The following ANK3 variants were observed in gnomAD, a reference collection of about 807,000 sequenced individuals.
ANK3 encodes the protein ankyrin 3, also known as ankyrin-3.
Under a neutral mutation model 370.9 loss-of-function variants are expected in ANK3, and 57 were observed. The ratio of observed to expected loss-of-function variants is 0.15; its 90% CI spans 0.12 to 0.19. ANK3 has a LOEUF of 0.19. Among genes scored for constraint, ANK3 ranks in the 10% least tolerant of loss-of-function variants. ANK3 has a pLI of 1.00. For missense variants in ANK3, 4,439 were observed against 5,302.1 expected (o/e 0.84, Z 5.06); for synonymous variants, 1,929 against 1,946.3 (o/e 0.99, Z 0.23).
chr10:60,324,188 G>A (rs562588426), intron 1 of ANK3, among the ~76,000 whole-genome samples: 4 of 152,318 alleles, frequency 2.6e-5, no homozygotes, highest in Admixed American at 2.0e-4. Context: ...ATGTCCTAGA[G>A]TTGGCAAGAA....
At chr10:60,106,223 C>T (rs1000034128) in intron 27 of ANK3, among the ~76,000 whole-genome samples, 164 bp from the exon 28 acceptor site, 4 of 152,064 alleles carry the variant, frequency 2.6e-5, no homozygotes, top group Admixed American at 1.3e-4. Flanking sequence ...AGAATATTTT[C>T]GAAGCCTGAA....
intron 1 of ANK3, among the ~76,000 whole-genome samples, chr10:60,340,878 C>T (rs1180289763): frequency 6.6e-6 from 1 of 152,128 alleles, no homozygotes; most frequent in East Asian, 1.9e-4. Context: ...CACAATGACT[C>T]TATGAATTCT....
intron 1 of ANK3, among the ~76,000 whole-genome samples, chr10:60,361,703 A>T (rs999943836): frequency 3.3e-5 from 5 of 152,172 alleles, no homozygotes; most frequent in African/African-American, 1.2e-4. Flanking sequence ...GAGGATTATT[A>T]TTTACAATAT....
At chr10:60,276,621 C>T (rs745800905) in intron 4 of ANK3, among the ~76,000 whole-genome samples, 3 of 152,126 alleles carry the variant, frequency 2.0e-5, no homozygotes, top group Non-Finnish European at 2.9e-5. Context: ...GTGTGGAATG[C>T]GTATAAATTG....
intron 2 of ANK3, among the ~76,000 whole-genome samples, chr10:60,395,610 C>CTTTCTTTT (rs1567004658): frequency 1.3e-3 from 112 of 85,052 alleles, no homozygotes; most frequent in African/African-American, 5.0e-3. Flanking sequence ...CTTTCTTTCT[C>CTTTCTTTT]TCTTTCGTTC....
intron 1 of ANK3, among the ~76,000 whole-genome samples, chr10:60,652,888 G>A (rs762922442): frequency 2.0e-5 from 3 of 152,074 alleles, no homozygotes; most frequent in African/African-American, 4.8e-5. Flanking sequence ...GTCTGGGTAC[G>A]TTCTACAAAG....
intron 1 of ANK3, among the ~76,000 whole-genome samples, chr10:60,284,390 C>T (rs1392197249): frequency 6.6e-6 from 1 of 152,164 alleles, no homozygotes; most frequent in Non-Finnish European, 1.5e-5. Context: ...GGTACTATTA[C>T]TAGCTCCATT....
intron 1 of ANK3, among the ~76,000 whole-genome samples, chr10:60,370,328 G>A (rs956497578): frequency 3.3e-5 from 5 of 152,098 alleles, no homozygotes. Flanking sequence ...AACTTTTAAT[G>A]CTATTACAGC....
At chr10:60,140,513 G>A (rs2094515799) in intron 23 of ANK3, 1 of 1,513,374 alleles carries the variant, frequency 6.6e-7, no homozygotes, top group Non-Finnish European at 8.8e-7. Context: ...ATTCCTCTCA[G>A]CATCTTGATA....
At chr10:60,096,039 C>T (rs1427410542) in intron 28 of ANK3, among the ~76,000 whole-genome samples, 1 of 151,816 alleles carries the variant, frequency 6.6e-6, no homozygotes, top group Non-Finnish European at 1.5e-5. Context: ...CCAGGTGTGT[C>T]GGTAGGTGCC....
chr10:60,642,751 A>G (rs922116251), intron 1 of ANK3, among the ~76,000 whole-genome samples: 23 of 152,286 alleles, frequency 1.5e-4, no homozygotes, highest in African/African-American at 5.3e-4. Context: ...CACATTGTGC[A>G]CATGTACCCT....
At chr10:60,265,645 T>C (rs1023114940) in intron 5 of ANK3, among the ~76,000 whole-genome samples, 12 of 152,186 alleles carry the variant, frequency 7.9e-5, no homozygotes, top group African/African-American at 2.9e-4. Context: ...TTTATTTCTG[T>C]AGTCCCATGG....
chr10:60,703,231 A>G (rs191033573), intron 1 of ANK3, among the ~76,000 whole-genome samples: 125 of 152,326 alleles, frequency 8.2e-4, no homozygotes, highest in Non-Finnish European at 1.5e-3. Context: ...TATTGAAGAA[A>G]TTATTATTGA....
chr10:60,092,480 T>G (rs1260885202), intron 28 of ANK3, among the ~76,000 whole-genome samples: 2 of 152,186 alleles, frequency 1.3e-5, no homozygotes, highest in African/African-American at 4.8e-5. Flanking sequence ...AGGATCAAAT[T>G]ATCAACTAGG....
intron 1 of ANK3, among the ~76,000 whole-genome samples, chr10:60,357,368 C>G (rs949189562): frequency 1.7e-4 from 26 of 152,184 alleles, no homozygotes; most frequent in African/African-American, 6.3e-4. Flanking sequence ...TCCATACAGA[C>G]CTTCATATCC....
At chr10:60,464,868 A>T (rs1253720091) in intron 2 of ANK3, among the ~76,000 whole-genome samples, 1 of 152,218 alleles carries the variant, frequency 6.6e-6, no homozygotes, top group African/African-American at 2.4e-5. Context: ...AGCCTGCTGC[A>T]TTCATTATCT....
intron 28 of ANK3, among the ~76,000 whole-genome samples, chr10:60,090,967 C>T (rs1318202771): frequency 6.6e-6 from 1 of 152,198 alleles, no homozygotes; most frequent in Admixed American, 6.5e-5. Context: ...TGCAATGGCA[C>T]GATCTCGGCT....
At chr10:60,202,031 A>G (rs935388443) in intron 12 of ANK3, among the ~76,000 whole-genome samples, 3 of 151,478 alleles carry the variant, frequency 2.0e-5, no homozygotes, top group East Asian at 3.9e-4. Context: ...ACTTCTTTGT[A>G]TAAACGACGA....
intron 7 of ANK3, among the ~76,000 whole-genome samples, chr10:60,258,550 T>G (rs1043352006): frequency 3.3e-5 from 5 of 152,244 alleles, no homozygotes; most frequent in South Asian, 4.1e-4. Flanking sequence ...GCACTACAAA[T>G]GAATACAGAA....
Sources: allele counts gnomAD v4.1 joint callset (sites outside exome capture counted in the v4.1 genomes callset), GRCh38; gene constraint gnomAD v4.1.1; transcripts MANE v1.5; gene names NCBI Gene and HGNC (gene_info 2026-07-23, HGNC 2026-07-21).